Variants in GPATCH2 observed in about 807,000 individuals in gnomAD.
The protein encoded by GPATCH2 is G-patch domain containing 2, also known as G patch domain-containing protein 2.
In GPATCH2, 51 loss-of-function variants were observed where a neutral mutation model predicts 58.0. The ratio of observed to expected loss-of-function variants is 0.88; its 90% CI spans 0.70 to 1.11. The LOEUF (loss-of-function observed/expected upper bound fraction) is 1.11. Among genes scored for constraint, GPATCH2 ranks in the 50% most tolerant of loss-of-function variants. The pLI is 0.00. For missense variants in GPATCH2, 625 were observed against 652.2 expected (o/e 0.96, Z 0.45); for synonymous variants, 222 against 218.5 (o/e 1.02, Z -0.14).
Position 217,547,169 on chromosome 1 carries a change from C to T in GPATCH2, c.1099-32280G>A, listed in dbSNP as rs1406063884. Among the ~76,000 whole-genome samples, 6 of 152,090 alleles carry T rather than the reference C, an allele frequency of 3.9e-5. No individual in the cohort carries two copies. In the East Asian group the frequency reaches 1.2e-3, roughly 29 times the overall value. ...ACGAGGTCAGGAGTTCAAGACCACC[C>T]TGGCCAACATAGTGAAACCCTGTCT... On this transcript the variant is annotated intron_variant, in intron 5 of 9. Coordinates refer to ENST00000366935, the MANE Select transcript of GPATCH2 (RefSeq NM_018040.5).
At chr1:217,606,034 A>G (rs1262414589) in intron 5 of GPATCH2, among the ~76,000 whole-genome samples, 1 of 152,258 alleles carries the variant, frequency 6.6e-6, no homozygotes, top group South Asian at 2.1e-4. Flanking sequence ...GTACTTTACT[A>G]CGATGGCAAC....
rs1669088433 is a variant in GPATCH2, at chr1:217,619,784, T to C, written c.772A>G (p.Ser258Gly). ...ATATTTAGAGAATATAAAAGTCACC[T>C]TTCACTCATGAGCTCATCTGAGACT... ...QKVSDELMSESDSSSLSSTDA... is the reference protein window; with the variant it reads ...QKVSDELMSEGDSSSLSSTDA... Residue 258 changes from serine to glycine, a missense_variant and splice_region_variant, in exon 2 of 10, where the codon AGT becomes GGT. Transcript: ENST00000366935. 2.8e-6 allele frequency: 4 copies of C among 1,429,318 alleles called. No homozygotes were observed. Among genetic ancestry groups the C allele is most frequent in the Non-Finnish European group, 3.8e-6 (4 of 1,047,100 alleles). 88.5% of individuals were successfully genotyped at this position (1,429,318 alleles called of 1,614,324 possible). A position where few individuals can be genotyped will look rare whatever the true frequency, so the allele number is the denominator to read the frequency against.
chr1:217,618,492 G>A (rs1048682626), intron 2 of GPATCH2, among the ~76,000 whole-genome samples: 13 of 152,048 alleles, frequency 8.5e-5, no homozygotes, highest in Non-Finnish European at 1.9e-4. Context: ...AAAGGCATGA[G>A]CCGCCATGCT....
Position 217,620,368 on chromosome 1 carries a change from C to A in GPATCH2, c.188G>T (p.Arg63Leu), listed in dbSNP as rs766378112. Residue 63 changes from arginine to leucine, a missense_variant, in exon 2 of 10, where the codon CGC (arginine) becomes CTC (leucine). Arg to Leu is a moderately radical substitution (Grantham distance 102). Transcript: ENST00000366935. ...HSRSISCPLK[R>L]QARKRRGRKR... ...TCTCCCTCTCCTTTTCCTTGCCTGG[C>A]GTTTCAGAGGGCAAGATATACTTCG... 2 of 1,613,838 alleles carry A rather than the reference C, an allele frequency of 1.2e-6. No individual in the cohort carries two copies.
intron 5 of GPATCH2, among the ~76,000 whole-genome samples, chr1:217,515,328 C>G (rs535848850): frequency 1.3e-5 from 2 of 151,984 alleles, no homozygotes; most frequent in African/African-American, 2.4e-5. Flanking sequence ...GATCTCCTGC[C>G]CTCGTGATCT....
chr1:217,491,689 G>C lies in GPATCH2; in HGVS notation c.1268C>G (p.Thr423Arg). Reference sequence around the variant, plus strand: ...ATTTTGAATTGCTTACCTGCTGGCTGTTCTCACAGAACAATTTTTCTTGTG... The same window carrying C: ...ATTTTGAATTGCTTACCTGCTGGCTCTTCTCACAGAACAATTTTTCTTGTG... ...RGHKKNCSVRTASRQTSMHLG... is the reference protein window; with the variant it reads ...RGHKKNCSVRRASRQTSMHLG... Residue 423 changes from threonine to arginine, a missense_variant, in exon 8 of 10, where the codon ACA becomes AGA. Thr to Arg is a moderately conservative substitution (Grantham distance 71). Coordinates refer to ENST00000366935, the MANE Select transcript of GPATCH2 (RefSeq NM_018040.5). 1.4e-6 allele frequency: 2 copies of C among 1,478,926 alleles called. No homozygotes were observed. Among genetic ancestry groups the C allele is most frequent in the Non-Finnish European group, 1.9e-6 (2 of 1,068,186 alleles). 91.6% of individuals were successfully genotyped at this position (1,478,926 alleles called of 1,614,324 possible).
At chr1:217,485,459 CTTT>C (rs56048191) in intron 8 of GPATCH2, among the ~76,000 whole-genome samples, 19 of 137,040 alleles carry the variant, frequency 1.4e-4, no homozygotes, top group African/African-American at 3.9e-4. Context: ...GGTTGAATAT[CTTT>C]TTTTTTTTTT....
chr1:217,530,848 G>A (rs1571870384), intron 5 of GPATCH2, among the ~76,000 whole-genome samples: 1 of 152,068 alleles, frequency 6.6e-6, no homozygotes, highest in Non-Finnish European at 1.5e-5. Context: ...TAGTGTAAAG[G>A]TCATGAGTTA....
intron 9 of GPATCH2, among the ~76,000 whole-genome samples, chr1:217,439,869 A>AT (rs1659053170): frequency 6.6e-6 from 1 of 152,238 alleles, no homozygotes; most frequent in Non-Finnish European, 1.5e-5. Context: ...TGAGGCAGCA[A>AT]TTAATAGCCT....
rs1420388416 is a variant in GPATCH2, at chr1:217,611,084, A to C, written c.836-13T>G. Reference sequence around the variant, plus strand: ...TGTTCATCATCACCTGTGCAAATACAAGAAACCCCCCCCCACCAAAGACTC... The same window carrying C: ...TGTTCATCATCACCTGTGCAAATACCAGAAACCCCCCCCCACCAAAGACTC... On this transcript the variant is annotated splice_polypyrimidine_tract_variant and intron_variant, in intron 3 of 9. Transcript: ENST00000366935. 1 of 1,600,020 alleles carries C rather than the reference A, an allele frequency of 6.2e-7. No homozygotes were observed. Among genetic ancestry groups the C allele is most frequent in the African/African-American group, 1.4e-5 (1 of 73,970 alleles).
intron 6 of GPATCH2, among the ~76,000 whole-genome samples, chr1:217,505,980 G>A (rs184519260): frequency 1.4e-4 from 22 of 152,182 alleles, no homozygotes; most frequent in African/African-American, 4.8e-4. Context: ...GTGCCACCAC[G>A]CCAGCTAATT....
At chr1:217,597,670 T>C (rs776202352) in intron 5 of GPATCH2, among the ~76,000 whole-genome samples, 4 of 152,186 alleles carry the variant, frequency 2.6e-5, no homozygotes, top group Non-Finnish European at 2.9e-5. Context: ...AAAGGGGTCA[T>C]TCCTACAAAG....
Position 217,523,486 on chromosome 1 carries a change from G to A in GPATCH2, c.1099-8597C>T, listed in dbSNP as rs538524995. 9.5e-3 allele frequency among the ~76,000 whole-genome samples: 1,448 copies of A among 151,640 alleles called. 11 individuals carry two copies. Among genetic ancestry groups the A allele is most frequent in the Non-Finnish European group, 0.015 (1,019 of 67,936 alleles). On this transcript the variant is annotated intron_variant, in intron 5 of 9. Coordinates refer to ENST00000366935, the MANE Select transcript of GPATCH2 (RefSeq NM_018040.5). The stretch of plus-strand genomic sequence containing the variant: ...CACATGTTTCAGAGAGCACAGGGTT[G>A]GGGGTAAGGTCACAGATCAACAGGA...
chr1:217,449,973 G>T (rs1427429217), intron 8 of GPATCH2, among the ~76,000 whole-genome samples: 1 of 152,060 alleles, frequency 6.6e-6, no homozygotes, highest in Non-Finnish European at 1.5e-5. Context: ...TAAAAACCGA[G>T]AAGTGGACCT....
chr1:217,607,082 C>T (rs1668394867), intron 5 of GPATCH2, among the ~76,000 whole-genome samples: 3 of 152,186 alleles, frequency 2.0e-5, no homozygotes, highest in Non-Finnish European at 4.4e-5. Flanking sequence ...TATCACTTTG[C>T]TCTCTATAAA....
intron 2 of GPATCH2, among the ~76,000 whole-genome samples, chr1:217,616,527 T>C (rs1039417100): frequency 2.6e-5 from 4 of 152,204 alleles, no homozygotes; most frequent in African/African-American, 9.6e-5. Context: ...CTTGTCCTAC[T>C]TTGAGGTATG....
At chr1:217,553,672 TA>T (rs1665469620) in intron 5 of GPATCH2, among the ~76,000 whole-genome samples, 2 of 152,172 alleles carry the variant, frequency 1.3e-5, no homozygotes, top group African/African-American at 2.4e-5. Flanking sequence ...AAAGGAACAA[TA>T]AATGCATTCT....
At position 217,629,903 on chromosome 1, in the gene GPATCH2, T is replaced by C. The variant is rs149574829; in HGVS notation, c.56+1013A>G. On this transcript the variant is annotated intron_variant, in intron 1 of 9. Transcript: ENST00000366935. ...ATAAGGTATTCTTTTAACTTTTCAG[T>C]GATAGGTGATGGAAAAGCAATTATC... Among the ~76,000 whole-genome samples the C allele has an allele frequency of 3.4e-3, 525 of 152,312 alleles. 5 individuals carry two copies. Among genetic ancestry groups the C allele is most frequent in the African/African-American group, 0.012 (487 of 41,566 alleles).
chr1:217,619,632 G>A (rs1477554237), intron 2 of GPATCH2, 151 bp downstream of exon 2: 4 of 398,246 alleles, frequency 1.0e-5, no homozygotes, highest in Non-Finnish European at 1.3e-5. Context: ...ACATCATAAA[G>A]TATAAGGAAA....
Sources: gnomAD v4.1 joint callset for allele counts (sites outside exome capture counted in the v4.1 genomes callset) on GRCh38, gnomAD v4.1.1 for gene constraint, MANE v1.5 for transcripts, NCBI Gene and HGNC (gene_info 2026-07-23, HGNC 2026-07-21) for gene names.